SOCS6: variants seen among roughly 807,000 people sequenced by gnomAD.
The protein encoded by SOCS6 is STAT induced STAT inhibitor-4.
A neutral mutation model predicts 27.7 loss-of-function variants in SOCS6; 5 were observed. The ratio of observed to expected loss-of-function variants is 0.18; its 90% CI spans 0.09 to 0.38. SOCS6 has a LOEUF of 0.38. Among genes scored for constraint, SOCS6 ranks in the 10% least tolerant of loss-of-function variants. SOCS6 has a pLI of 1.00. For missense variants in SOCS6, 595 were observed against 688.1 expected (o/e 0.86, Z 1.51); for synonymous variants, 271 against 260.0 (o/e 1.04, Z -0.41).
chr18:70,294,879 G>A (rs72965693), intron 1 of SOCS6, among the ~76,000 whole-genome samples: 12,607 of 152,196 alleles, frequency 0.083, 578 homozygotes, highest in Middle Eastern at 0.18. Flanking sequence ...TCCTAACAGC[G>A]AACACACTAA....
chr18:70,304,865 A>C (rs2062362502), intron 1 of SOCS6, among the ~76,000 whole-genome samples: 1 of 152,234 alleles, frequency 6.6e-6, no homozygotes, highest in South Asian at 2.1e-4. Context: ...TATTGTGTCC[A>C]GGAACTCTTT....
intron 1 of SOCS6, among the ~76,000 whole-genome samples, chr18:70,305,870 G>C (rs2062367147): frequency 6.6e-6 from 1 of 151,970 alleles, no homozygotes; most frequent in African/African-American, 2.4e-5. Context: ...TGCTAGGTTT[G>C]TAGGCTTGTA....
At chr18:70,293,043 C>T (rs994582955) in intron 1 of SOCS6, among the ~76,000 whole-genome samples, 3 of 152,056 alleles carry the variant, frequency 2.0e-5, no homozygotes, top group South Asian at 2.1e-4. Flanking sequence ...GCTGTTCCCC[C>T]GCCACCCCCC....
intron 1 of SOCS6, among the ~76,000 whole-genome samples, chr18:70,322,302 T>G (rs1218756861): frequency 6.6e-6 from 1 of 152,224 alleles, no homozygotes; most frequent in Non-Finnish European, 1.5e-5. Flanking sequence ...GAGTAATCTT[T>G]GCCTAGAATA....
At chr18:70,306,792 T>TG (rs2062371492) in intron 1 of SOCS6, among the ~76,000 whole-genome samples, 1 of 152,216 alleles carries the variant, frequency 6.6e-6, no homozygotes, top group Non-Finnish European at 1.5e-5. Flanking sequence ...TATCAATAGG[T>TG]GTTGTCAATG....
At chr18:70,321,789 G>A (rs1015735883) in intron 1 of SOCS6, among the ~76,000 whole-genome samples, 3 of 152,144 alleles carry the variant, frequency 2.0e-5, no homozygotes, top group Admixed American at 6.5e-5. Context: ...GGTAGGACAG[G>A]TTGGCATAGG....
intron 1 of SOCS6, among the ~76,000 whole-genome samples, chr18:70,301,005 TTC>T (rs1253309918): frequency 6.6e-6 from 1 of 152,174 alleles, no homozygotes; most frequent in East Asian, 1.9e-4. Flanking sequence ...GCAAATGTAA[TTC>T]TGTTTTTATG....
At chr18:70,306,614 A>G (rs766299507) in intron 1 of SOCS6, among the ~76,000 whole-genome samples, 2 of 151,796 alleles carry the variant, frequency 1.3e-5, no homozygotes, top group Admixed American at 1.3e-4. Flanking sequence ...CCTTCAGTAC[A>G]GTGTTGAGTA....
intron 1 of SOCS6, among the ~76,000 whole-genome samples, chr18:70,311,326 T>G (rs2062389957): frequency 6.6e-6 from 1 of 152,214 alleles, no homozygotes; most frequent in Non-Finnish European, 1.5e-5. Context: ...GCTGATACTT[T>G]GCTTCATGAG....
At chr18:70,303,217 A>G (rs1187962863) in intron 1 of SOCS6, among the ~76,000 whole-genome samples, 2 of 152,308 alleles carry the variant, frequency 1.3e-5, no homozygotes, top group South Asian at 2.1e-4. Flanking sequence ...CAAACGAACA[A>G]TATGAATTTT....
chr18:70,313,957 G>A (rs2062400908), intron 1 of SOCS6, among the ~76,000 whole-genome samples: 1 of 152,140 alleles, frequency 6.6e-6, no homozygotes, highest in South Asian at 2.1e-4. Context: ...ATGTATATTT[G>A]ATCTATTATG....
intron 1 of SOCS6, among the ~76,000 whole-genome samples, chr18:70,308,318 A>G (rs2062377361): frequency 6.6e-6 from 1 of 152,050 alleles, no homozygotes; most frequent in Admixed American, 6.5e-5. Context: ...CCTGGGCTCA[A>G]GTGATCCTCC....
At chr18:70,311,785 A>G (rs1006947939) in intron 1 of SOCS6, among the ~76,000 whole-genome samples, 11 of 152,174 alleles carry the variant, frequency 7.2e-5, no homozygotes, top group African/African-American at 2.7e-4. Flanking sequence ...CTTTATCTCT[A>G]CAACATTCCC....
At chr18:70,311,303 G>A (rs951848241) in intron 1 of SOCS6, among the ~76,000 whole-genome samples, 1 of 152,208 alleles carries the variant, frequency 6.6e-6, no homozygotes, top group Admixed American at 6.5e-5. Flanking sequence ...CTTGGAATGA[G>A]GCAAGGCATG....
At chr18:70,298,163 ATCTT>A (rs2062332354) in intron 1 of SOCS6, among the ~76,000 whole-genome samples, 2 of 117,140 alleles carry the variant, frequency 1.7e-5, no homozygotes, top group African/African-American at 6.1e-5. Flanking sequence ...ATTACTTTTA[ATCTT>A]AAAGCAATGA....
At chr18:70,321,801 G>A (rs1600167778) in intron 1 of SOCS6, among the ~76,000 whole-genome samples, 1 of 152,152 alleles carries the variant, frequency 6.6e-6, no homozygotes, top group East Asian at 1.9e-4. Context: ...TGGCATAGGG[G>A]AAGAATGTGA....
At chr18:70,299,122 T>TA (rs1434473295) in intron 1 of SOCS6, among the ~76,000 whole-genome samples, 7 of 151,690 alleles carry the variant, frequency 4.6e-5, no homozygotes, top group African/African-American at 7.3e-5. Context: ...CCCTCCGTCT[T>TA]AAAAACAAAA....
rs754137872 is a variant in SOCS6 at position 70,325,866 on chromosome 18, A to G, written c.1198A>G (p.Asn400Asp). Reference protein sequence around the residue: ...TRWEAEGKLANVPDGSFLVRD... With the variant: ...TRWEAEGKLADVPDGSFLVRD... ...TTGGGAGGCAGAAGGGAAGCTAGCAAACGTGCCAGATGGTTCTTTTCTTGT... is the reference window on the plus strand; with the variant it reads ...TTGGGAGGCAGAAGGGAAGCTAGCAGACGTGCCAGATGGTTCTTTTCTTGT... Residue 400 changes from asparagine (N) to aspartate (D), a missense_variant, in exon 2 of 2, where the codon AAC becomes GAC. Physicochemically the swap from Asn to Asp is conservative, Grantham distance 23. This residue lies in a region of SOCS6 where 128 missense variants were observed against 207.0 expected (regional missense o/e 0.62). Coordinates refer to ENST00000397942, the MANE Select transcript of SOCS6 (RefSeq NM_004232.4). The surrounding 1 kb of genome is among the most constrained non-coding windows in gnomAD (Gnocchi z 6.3). 8.7e-6 allele frequency: 14 copies of G among 1,614,198 alleles called. No homozygotes were observed. The highest frequency in any genetic ancestry group is 1.1e-5 in the Non-Finnish European group (13 of 1,180,018).
At chr18:70,302,261 C>T (rs997331426) in intron 1 of SOCS6, among the ~76,000 whole-genome samples, 1 of 151,792 alleles carries the variant, frequency 6.6e-6, no homozygotes, top group Non-Finnish European at 1.5e-5. Flanking sequence ...CTTCTGATGT[C>T]GTTCCTTTTC....
Sources: gnomAD v4.1 joint callset for allele counts (sites outside exome capture counted in the v4.1 genomes callset) on GRCh38, gnomAD v4.1.1 for gene constraint, gnomAD v4.1.1 regional missense constraint, Gnocchi (gnomAD v3.1) non-coding constraint, MANE v1.5 for transcripts, NCBI Gene and HGNC (gene_info 2026-07-23, HGNC 2026-07-21) for gene names.